Variants in DIAPH2 observed in about 807,000 individuals in gnomAD.
DIAPH2 encodes protein diaphanous homolog 2.
DIAPH2 carries 35 observed loss-of-function variants against 92.7 expected under a neutral mutation model. That is an observed-to-expected ratio of 0.38 (90% CI 0.29 to 0.50). The LOEUF (loss-of-function observed/expected upper bound fraction) is 0.50. DIAPH2 is among the 20% of genes least tolerant of loss of function. DIAPH2 has a pLI of 0.94. For synonymous variants in DIAPH2, 301 were observed against 280.4 expected (o/e 1.07, Z -0.73); for missense variants, 701 against 819.5 (o/e 0.86, Z 1.77).
intron 3 of DIAPH2, among the ~76,000 whole-genome samples, chrX:96,746,179 T>C (rs1265795159): frequency 8.9e-6 from 1 of 112,022 alleles, no homozygotes; most frequent in Non-Finnish European, 1.9e-5. Flanking sequence ...GGATTATAGG[T>C]ATGAGCCACG....
At chrX:97,336,895 A>G (rs182073016) in intron 23 of DIAPH2, among the ~76,000 whole-genome samples, 1 of 108,824 alleles carries the variant, frequency 9.2e-6, no homozygotes, top group East Asian at 3.0e-4. Flanking sequence ...TCTAATAACT[A>G]CCACATTTGT....
At chrX:97,444,314 A>G (rs1455308781) in intron 26 of DIAPH2, among the ~76,000 whole-genome samples, 2 of 109,307 alleles carry the variant, frequency 1.8e-5, no homozygotes, top group African/African-American at 3.3e-5. Context: ...TTTTAATTTC[A>G]TACATTATTC....
At chrX:97,163,787 C>G (rs2147443437) in intron 22 of DIAPH2, among the ~76,000 whole-genome samples, 1 of 112,083 alleles carries the variant, frequency 8.9e-6, no homozygotes, top group East Asian at 2.8e-4. Flanking sequence ...AGCCTGTTGC[C>G]TTTAGCTCCC....
chrX:97,051,214 A>G (rs2066518029), intron 17 of DIAPH2, among the ~76,000 whole-genome samples: 1 of 111,308 alleles, frequency 9.0e-6, no homozygotes, highest in African/African-American at 3.3e-5. Context: ...TGCCAGGGCT[A>G]TTAACTTTTA....
At chrX:96,994,322 C>T (rs958806832) in intron 17 of DIAPH2, among the ~76,000 whole-genome samples, 7 of 111,635 alleles carry the variant, frequency 6.3e-5, no homozygotes, top group African/African-American at 9.8e-5. Context: ...ATGATTCCCA[C>T]GTGTCTTGCT....
intron 23 of DIAPH2, among the ~76,000 whole-genome samples, chrX:97,271,605 C>G (rs890521014): frequency 6.3e-5 from 7 of 111,024 alleles, no homozygotes; most frequent in African/African-American, 2.3e-4. Context: ...AGGTTACCAT[C>G]CTGGGGTGCT....
At chrX:97,217,212 G>A (rs767044316) in intron 22 of DIAPH2, among the ~76,000 whole-genome samples, 13 of 111,573 alleles carry the variant, frequency 1.2e-4, no homozygotes, top group Non-Finnish European at 1.9e-4. Context: ...AGTACAGAGG[G>A]TCAAGGCCAC....
chrX:96,730,855 C>T (rs1459687653), intron 1 of DIAPH2, among the ~76,000 whole-genome samples: 1 of 110,749 alleles, frequency 9.0e-6, no homozygotes, highest in Non-Finnish European at 1.9e-5. Context: ...GTTTATTTCA[C>T]CTGGGCGCAG....
At position 96,957,680 on chromosome X, in the gene DIAPH2, A is replaced by G. The variant is rs20388; in HGVS notation, c.1615-148A>G. 7,935 of 480,681 alleles carry G rather than the reference A, an allele frequency of 0.017. 497 individuals carry two copies. The African/African-American group carries it at 0.17, about 10-fold the overall frequency. 39.6% of individuals were successfully genotyped at this position (480,681 alleles called of 1,213,427 possible). A position where few individuals can be genotyped will look rare whatever the true frequency, so the allele number is the denominator to read the frequency against. Reference sequence around the variant, plus strand: ...CTGTTAAACCCTTAGATCTTGCTAAATATTTAGATATTTTAGTAATATCTA... The same window carrying G: ...CTGTTAAACCCTTAGATCTTGCTAAGTATTTAGATATTTTAGTAATATCTA... On this transcript the variant is annotated intron_variant, in intron 15 of 26. Coordinates refer to ENST00000324765, the MANE Select transcript of DIAPH2 (RefSeq NM_006729.5).
At chrX:96,747,002 C>A (rs2064154693) in intron 3 of DIAPH2, among the ~76,000 whole-genome samples, 2 of 111,824 alleles carry the variant, frequency 1.8e-5, no homozygotes, top group African/African-American at 6.5e-5. Flanking sequence ...AATTGAGTAA[C>A]TCTTCAATAT....
Position 97,011,891 on chromosome X carries a change from C to CAAAAAAAAAAAAAAAAA in DIAPH2, c.2050+46696_2050+46712dup, listed in dbSNP as rs1169242843. Among the ~76,000 whole-genome samples the CAAAAAAAAAAAAAAAAA allele has an allele frequency of 6.2e-5, 2 of 32,201 alleles. 1 individual carries two copies. The highest frequency in any genetic ancestry group is 3.2e-4 in the African/African-American group (2 of 6,257). The allele number at this position is 32,201 out of a possible 115,157, so 28.0% of individuals were successfully genotyped here. A position where few individuals can be genotyped will look rare whatever the true frequency, so the allele number is the denominator to read the frequency against. ...TGGTTGACAGAGCAAGACACTGTCT[C>CAAAAAAAAAAAAAAAAA]AAAAAAAAAAAAAAAAAAAAAAAAA... On this transcript the variant is annotated intron_variant, in intron 17 of 26. Coordinates refer to ENST00000324765, the MANE Select transcript of DIAPH2 (RefSeq NM_006729.5).
At chrX:96,925,591 A>G (rs777894525) in intron 9 of DIAPH2, among the ~76,000 whole-genome samples, 4 of 111,140 alleles carry the variant, frequency 3.6e-5, no homozygotes, top group African/African-American at 9.8e-5. Flanking sequence ...ATCTTCCCCA[A>G]TGTTGTCTTT....
At chrX:97,059,811 G>A (rs1569291303) in intron 17 of DIAPH2, among the ~76,000 whole-genome samples, 1 of 111,337 alleles carries the variant, frequency 9.0e-6, no homozygotes, top group African/African-American at 3.3e-5. Context: ...GGAGAGATTG[G>A]TCTTGCTGTC....
intron 23 of DIAPH2, among the ~76,000 whole-genome samples, chrX:97,325,244 G>T (rs872716): frequency 0.41 from 45,675 of 111,274 alleles, 8,006 homozygotes; most frequent in Non-Finnish European, 0.55. Flanking sequence ...GCGTGTGGAG[G>T]AGGCTCTGTG....
intron 10 of DIAPH2, among the ~76,000 whole-genome samples, chrX:96,932,752 C>T (rs1458390819): frequency 9.0e-6 from 1 of 111,245 alleles, no homozygotes; most frequent in African/African-American, 3.3e-5. Flanking sequence ...ATATCCATCA[C>T]TTCAAGCATT....
intron 25 of DIAPH2, among the ~76,000 whole-genome samples, chrX:97,407,350 T>C (rs1241537899): frequency 8.9e-6 from 1 of 111,998 alleles, no homozygotes; most frequent in East Asian, 2.8e-4. Flanking sequence ...TTATGATTAT[T>C]ATTACTGGCC....
At chrX:96,808,912 T>C (rs779325218) in intron 4 of DIAPH2, among the ~76,000 whole-genome samples, 17 of 112,075 alleles carry the variant, frequency 1.5e-4, no homozygotes, top group Non-Finnish European at 2.8e-4. Context: ...TCGGAAATGC[T>C]TTTTATACTG....
chrX:97,486,998 A>C (rs1225790835), intron 26 of DIAPH2, among the ~76,000 whole-genome samples: 1 of 112,229 alleles, frequency 8.9e-6, no homozygotes, highest in African/African-American at 3.2e-5. Context: ...AATAGCTCAT[A>C]AACGTGGAAT....
chrX:97,461,797 T>C (rs2070461109), intron 26 of DIAPH2, among the ~76,000 whole-genome samples: 1 of 111,704 alleles, frequency 9.0e-6, no homozygotes, highest in Non-Finnish European at 1.9e-5. Flanking sequence ...CTCTAGGCTT[T>C]TCTGTATATA....
Sources: allele counts gnomAD v4.1 joint callset (sites outside exome capture counted in the v4.1 genomes callset), GRCh38; gene constraint gnomAD v4.1.1; transcripts MANE v1.5; gene names NCBI Gene and HGNC (gene_info 2026-07-23, HGNC 2026-07-21).